AK5: variants seen among roughly 807,000 people sequenced by gnomAD.
The protein encoded by AK5 is adenylate kinase 5.
A neutral mutation model predicts 69.5 loss-of-function variants in AK5; 27 were observed. That is an observed-to-expected ratio of 0.39 (90% CI 0.29 to 0.54). The LOEUF (loss-of-function observed/expected upper bound fraction) is 0.54. AK5 is among the 20% of genes least tolerant of loss of function. The pLI, the probability that AK5 is intolerant of heterozygous loss-of-function variation, is 0.71. For missense variants in AK5, 531 were observed against 700.4 expected (o/e 0.76, Z 2.73); for synonymous variants, 260 against 244.4 (o/e 1.06, Z -0.60).
chr1:77,461,003 G>A (rs566840680), intron 8 of AK5, among the ~76,000 whole-genome samples: 86 of 150,842 alleles, frequency 5.7e-4, no homozygotes, highest in Admixed American at 5.0e-3. Flanking sequence ...GATTACAGGC[G>A]TGAGCCACCA....
At chr1:77,513,997 C>A (rs770561084) in intron 10 of AK5, among the ~76,000 whole-genome samples, 1 of 152,214 alleles carries the variant, frequency 6.6e-6, no homozygotes, top group Non-Finnish European at 1.5e-5. Flanking sequence ...TACAGTCTCT[C>A]CCCTCCCTTC....
intron 6 of AK5, among the ~76,000 whole-genome samples, chr1:77,372,488 C>A (rs1647138550): frequency 6.6e-6 from 1 of 152,134 alleles, no homozygotes; most frequent in Non-Finnish European, 1.5e-5. Flanking sequence ...GTGGTTAAAT[C>A]TCTATGTTTA....
chr1:77,324,207 T>C (rs1407537076), intron 5 of AK5, among the ~76,000 whole-genome samples: 1 of 152,192 alleles, frequency 6.6e-6, no homozygotes, highest in Non-Finnish European at 1.5e-5. Context: ...GCATGAACAA[T>C]GTTAGGAAAT....
intron 6 of AK5, among the ~76,000 whole-genome samples, chr1:77,364,193 G>A (rs1479369275): frequency 1.3e-5 from 2 of 152,052 alleles, no homozygotes; most frequent in Admixed American, 1.3e-4. Context: ...CCATAGAAAT[G>A]TATGGAATTA....
At chr1:77,417,737 T>C in intron 8 of AK5, 22 bp downstream of exon 8, 1 of 1,422,206 alleles carries the variant, frequency 7.0e-7, no homozygotes, top group East Asian at 2.3e-5. Flanking sequence ...CTGAAAATAG[T>C]TCTCTATTTA....
At chr1:77,503,537 G>A (rs1656847030) in intron 10 of AK5, among the ~76,000 whole-genome samples, 1 of 152,156 alleles carries the variant, frequency 6.6e-6, no homozygotes, top group Non-Finnish European at 1.5e-5. Context: ...GTTATAAAAG[G>A]TTTATGAGAA....
At chr1:77,528,327 T>C (rs1658396835) in intron 12 of AK5, among the ~76,000 whole-genome samples, 1 of 152,148 alleles carries the variant, frequency 6.6e-6, no homozygotes, top group Admixed American at 6.5e-5. Context: ...CATTCAAGCC[T>C]GGAGAGGTTT....
intron 8 of AK5, among the ~76,000 whole-genome samples, chr1:77,472,432 T>C (rs774590831): frequency 3.3e-5 from 5 of 152,142 alleles, no homozygotes; most frequent in Non-Finnish European, 4.4e-5. Flanking sequence ...AAAACCTCTT[T>C]CTCCCAAAGT....
chr1:77,551,067 C>G (rs1308704492), intron 13 of AK5, among the ~76,000 whole-genome samples: 1 of 152,216 alleles, frequency 6.6e-6, no homozygotes, highest in Non-Finnish European at 1.5e-5. Context: ...ATTCCAGCTA[C>G]TCGGGAGGCT....
chr1:77,346,628 C>T (rs1384184633), intron 6 of AK5, among the ~76,000 whole-genome samples: 1 of 152,112 alleles, frequency 6.6e-6, no homozygotes, highest in Non-Finnish European at 1.5e-5. Context: ...TCCCAAGTAG[C>T]TGGAACTACA....
At chr1:77,475,183 ATATATATATATATG>A (rs368133648) in intron 8 of AK5, among the ~76,000 whole-genome samples, 5,699 of 19,346 alleles carry the variant, frequency 0.29, 173 homozygotes, top group South Asian at 0.45. Flanking sequence ...ATATATATAT[ATATATATATATATG>A]TGTGTGTGTG....
intron 5 of AK5, among the ~76,000 whole-genome samples, chr1:77,329,058 T>C (rs1201676442): frequency 6.6e-6 from 1 of 152,088 alleles, no homozygotes; most frequent in East Asian, 1.9e-4. Context: ...TTAATACCAA[T>C]AGAATGGCAA....
At chr1:77,441,238 A>ACAT (rs1652309020) in intron 8 of AK5, among the ~76,000 whole-genome samples, 1 of 152,128 alleles carries the variant, frequency 6.6e-6, no homozygotes, top group African/African-American at 2.4e-5. Context: ...ATTTTCTAGT[A>ACAT]CATCATTGAG....
At chr1:77,377,787 C>T (rs890353796) in intron 6 of AK5, among the ~76,000 whole-genome samples, 1 of 152,128 alleles carries the variant, frequency 6.6e-6, no homozygotes, top group Non-Finnish European at 1.5e-5. Flanking sequence ...AGAGATGTTC[C>T]TTTACATGCC....
chr1:77,389,603 A>C (rs1390614460), intron 6 of AK5, among the ~76,000 whole-genome samples: 1 of 152,144 alleles, frequency 6.6e-6, no homozygotes, highest in Non-Finnish European at 1.5e-5. Flanking sequence ...AATTTGTGAA[A>C]ATTTGGGAGG....
chr1:77,523,806 G>T (rs1658128369), intron 12 of AK5, among the ~76,000 whole-genome samples: 1 of 151,992 alleles, frequency 6.6e-6, no homozygotes, highest in South Asian at 2.1e-4. Context: ...TGAGCAACTG[G>T]GACTGCACCA....
intron 12 of AK5, among the ~76,000 whole-genome samples, chr1:77,524,445 T>C (rs560526253): frequency 7.2e-5 from 11 of 152,338 alleles, no homozygotes; most frequent in African/African-American, 2.6e-4. Context: ...CAATTTCTTC[T>C]CACCAACACT....
chr1:77,454,919 G>A (rs572389131), intron 8 of AK5, among the ~76,000 whole-genome samples: 2 of 152,242 alleles, frequency 1.3e-5, no homozygotes, highest in South Asian at 2.1e-4. Context: ...AAGATGTTGA[G>A]CAAGATAGTT....
chr1:77,396,967 A>C (rs1297500398), intron 6 of AK5, among the ~76,000 whole-genome samples: 1 of 152,204 alleles, frequency 6.6e-6, no homozygotes, highest in East Asian at 1.9e-4. Flanking sequence ...CACCTGTCAC[A>C]TTCCTGTGTG....
Sources: gnomAD v4.1 joint callset for allele counts (sites outside exome capture counted in the v4.1 genomes callset) on GRCh38, gnomAD v4.1.1 for gene constraint, MANE v1.5 for transcripts, NCBI Gene and HGNC (gene_info 2026-07-23, HGNC 2026-07-21) for gene names.